Variants in ACTA2 observed in about 807,000 individuals in gnomAD.
ACTA2 encodes actin, aortic smooth muscle.
Under a neutral mutation model 39.5 loss-of-function variants are expected in ACTA2, and 12 were observed. That is an observed-to-expected ratio of 0.30 (90% CI 0.19 to 0.49). ACTA2 has a LOEUF of 0.49. Among genes scored for constraint, ACTA2 ranks in the 20% least tolerant of loss-of-function variants. The pLI is 0.99. For missense variants in ACTA2, 236 were observed against 498.8 expected, an observed-to-expected ratio of 0.47 and a Z score of 5.02; for synonymous variants, 158 against 180.6, an observed-to-expected ratio of 0.88 and a Z score of 1.00.
chr10:88,988,428 T>G (rs563390364), intron 1 of ACTA2, among the ~76,000 whole-genome samples: 10 of 10,282 alleles, frequency 9.7e-4, no homozygotes, highest in African/African-American at 4.6e-3. Flanking sequence ...TTTTTTTTTT[T>G]TTTGTTTTGT....
chr10:88,967,850 G>C (rs1846347913), intron 1 of ACTA2, among the ~76,000 whole-genome samples: 1 of 152,144 alleles, frequency 6.6e-6, no homozygotes, highest in Admixed American at 6.5e-5. Context: ...TGGCAAAGTT[G>C]TTCCCTTTCT....
intron 1 of ACTA2, among the ~76,000 whole-genome samples, chr10:88,968,176 G>C (rs746984335): frequency 1.3e-5 from 2 of 152,084 alleles, no homozygotes; most frequent in Non-Finnish European, 2.9e-5. Context: ...TATTTAAATC[G>C]CTAAAAACTG....
At chr10:88,939,259 T>A in intron 7 of ACTA2, 1 of 540,388 alleles carries the variant, frequency 1.9e-6, no homozygotes, top group African/African-American at 1.9e-5. Context: ...ATTATTTAAT[T>A]CTTTCATCAT....
At chr10:88,943,279 T>C (rs1222280934) in intron 4 of ACTA2, among the ~76,000 whole-genome samples, 1 of 152,206 alleles carries the variant, frequency 6.6e-6, no homozygotes, top group Non-Finnish European at 1.5e-5. Context: ...ATATTTTGGA[T>C]GTTTATTAGG....
upstream of ACTA2, among the ~76,000 whole-genome samples, chr10:88,953,699 G>A (rs551155245): frequency 6.6e-6 from 1 of 152,212 alleles, no homozygotes; most frequent in East Asian, 1.9e-4. Context: ...CCAGAGAAAG[G>A]CTAGGTGGGA....
chr10:88,982,023 G>T (rs1589426234), intron 1 of ACTA2, among the ~76,000 whole-genome samples: 1 of 152,194 alleles, frequency 6.6e-6, no homozygotes, highest in African/African-American at 2.4e-5. Flanking sequence ...ATATATAAAA[G>T]GGTCTAACAC....
At chr10:88,991,011 C>A in exon 1 of ACTA2, 1 of 1,511,432 alleles carries the variant, frequency 6.6e-7, no homozygotes, top group Non-Finnish European at 9.1e-7. Context: ...GGCAGCGGCG[C>A]ACGCGGGCAC....
At chr10:88,967,596 C>A (rs1846342559) in intron 1 of ACTA2, among the ~76,000 whole-genome samples, 1 of 152,180 alleles carries the variant, frequency 6.6e-6, no homozygotes, top group Non-Finnish European at 1.5e-5. Flanking sequence ...AGCTTGGCAA[C>A]CTTCAAACAC....
chr10:88,982,943 C>T (rs944142766), intron 1 of ACTA2, among the ~76,000 whole-genome samples: 1 of 152,280 alleles, frequency 6.6e-6, no homozygotes, highest in Middle Eastern at 3.4e-3. Context: ...TGAGTGGTTT[C>T]CCTGAGCAAA....
chr10:88,936,255 C>T (rs1050374287), intron 8 of ACTA2, among the ~76,000 whole-genome samples: 1 of 152,164 alleles, frequency 6.6e-6, no homozygotes, highest in African/African-American at 2.4e-5. Context: ...AGTGTCAGAT[C>T]TGATATTCAA....
Position 88,990,710 on chromosome 10 carries a change from T to C in ACTA2, c.-24+229A>G, listed in dbSNP as rs1318126055. The C allele has an allele frequency of 3.9e-6, 3 of 778,528 alleles. No individual in the cohort carries two copies. Among genetic ancestry groups the C allele is most frequent in the South Asian group, 2.9e-5 (2 of 69,424 alleles). The allele number at this position is 778,528 out of a possible 1,614,324, so 48.2% of individuals were successfully genotyped here. A position where few individuals can be genotyped will look rare whatever the true frequency, so the allele number is the denominator to read the frequency against. On this transcript the variant is annotated intron_variant, in intron 1 of 4. Coordinates refer to the ACTA2 transcript ENST00000415557. This position sits in a 1 kb window ranked among gnomAD's most constrained non-coding sequence, Gnocchi z 4.9. ...CGCTTCTGGGGAGTGAGGGAAGCGG[T>C]TTACGAGTGACTTGGCTGGAGCCTC...
intron 1 of ACTA2, chr10:88,974,792 T>C (rs1846526759): frequency 6.6e-6 from 1 of 152,234 alleles, no homozygotes; most frequent in African/African-American, 2.4e-5. Context: ...TCCTGATTAA[T>C]GCTCTAATAT....
intron 1 of ACTA2, among the ~76,000 whole-genome samples, chr10:88,976,211 A>T (rs1175413966): frequency 6.6e-6 from 1 of 152,244 alleles, no homozygotes; most frequent in Non-Finnish European, 1.5e-5. Flanking sequence ...AGCTAAAAAA[A>T]AAATCGCCAA....
chr10:88,951,172 C>T (rs904872579), intron 1 of ACTA2, among the ~76,000 whole-genome samples: 5 of 151,932 alleles, frequency 3.3e-5, no homozygotes, highest in South Asian at 4.1e-4. Flanking sequence ...AGAAAAGAGG[C>T]GAGAACTATA....
upstream of ACTA2, among the ~76,000 whole-genome samples, chr10:88,956,443 C>T (rs888166685): frequency 1.3e-5 from 2 of 152,168 alleles, no homozygotes; most frequent in African/African-American, 4.8e-5. Flanking sequence ...GAAGGACCTT[C>T]GTGAATATAT....
intron 1 of ACTA2, among the ~76,000 whole-genome samples, chr10:88,969,967 C>A (rs943783058): frequency 3.3e-5 from 5 of 152,150 alleles, no homozygotes; most frequent in Non-Finnish European, 5.9e-5. Context: ...ATGCCTCTAA[C>A]TCTTCATAAA....
chr10:88,980,510 T>C (rs1846684657), intron 1 of ACTA2, among the ~76,000 whole-genome samples: 2 of 152,078 alleles, frequency 1.3e-5, no homozygotes, highest in South Asian at 4.1e-4. Flanking sequence ...TACTCTAATT[T>C]GTCATCCCCA....
chr10:88,975,937 T>A (rs899907826), intron 1 of ACTA2, among the ~76,000 whole-genome samples: 1 of 152,196 alleles, frequency 6.6e-6, no homozygotes, highest in Admixed American at 6.5e-5. Context: ...ATTTCTTTCC[T>A]CTTCATTTGG....
intron 1 of ACTA2, among the ~76,000 whole-genome samples, chr10:88,987,910 T>G (rs868719995): frequency 6.6e-6 from 1 of 152,058 alleles, no homozygotes; most frequent in Non-Finnish European, 1.5e-5. Context: ...TTCTATAATG[T>G]CAATAGGCCT....
Sources: gnomAD v4.1 joint callset for allele counts (sites outside exome capture counted in the v4.1 genomes callset) on GRCh38, gnomAD v4.1.1 for gene constraint, Gnocchi (gnomAD v3.1) non-coding constraint, MANE v1.5 for transcripts, NCBI Gene and HGNC (gene_info 2026-07-23, HGNC 2026-07-21) for gene names.